BTC: variants seen among roughly 807,000 people sequenced by gnomAD.
BTC encodes probetacellulin.
In BTC, 13 loss-of-function variants were observed where a neutral mutation model predicts 18.1. The ratio of observed to expected loss-of-function variants is 0.72; its 90% CI spans 0.47 to 1.14. BTC has a LOEUF of 1.14. Among genes scored for constraint, BTC ranks in the 50% most tolerant of loss-of-function variants. The pLI, the probability that BTC is intolerant of heterozygous loss-of-function variation, is 0.00. For synonymous variants in BTC, 83 were observed against 79.4 expected (o/e 1.05, Z -0.24); for missense variants, 247 against 224.2 (o/e 1.10, Z -0.65).
At position 74,770,070 on chromosome 4, in the gene BTC, C is replaced by T. The variant is rs1389771868; in HGVS notation, c.151G>A (p.Glu51Lys). 8 of 1,608,698 alleles carry T rather than the reference C, an allele frequency of 5.0e-6. No individual in the cohort carries two copies. The South Asian group carries it at 7.8e-5, about 16-fold the overall frequency. Residue 51 changes from glutamate (E) to lysine (K), a missense_variant, in exon 2 of 6, where the codon GAA becomes AAA. Transcript: ENST00000395743. ...TGTTAAACTTTACCTGCACAGTTTT[C>T]CTCAGGGTCTCCACAGAGGAGGCCA... ...TNGLLCGDPE[E>K]NCAATTTQSK... is the part of the protein sequence containing the mutation.
intron 1 of BTC, among the ~76,000 whole-genome samples, chr4:74,773,452 G>A (rs1167385751): frequency 6.6e-6 from 1 of 152,086 alleles, no homozygotes; most frequent in Admixed American, 6.6e-5. Flanking sequence ...AATAAAGGCT[G>A]CTATAAAGAG....
intron 1 of BTC, among the ~76,000 whole-genome samples, chr4:74,790,841 C>G (rs1560727712): frequency 6.6e-6 from 1 of 152,122 alleles, no homozygotes; most frequent in African/African-American, 2.4e-5. Flanking sequence ...AAGGAAGAGC[C>G]AGGAGTCCAA....
At chr4:74,765,371 CTA>C (rs1724873715) in intron 2 of BTC, among the ~76,000 whole-genome samples, 1 of 151,850 alleles carries the variant, frequency 6.6e-6, no homozygotes. Flanking sequence ...CAACAGCAGA[CTA>C]TGTCAAGCGA....
At chr4:74,775,212 G>T (rs577822164) in intron 1 of BTC, among the ~76,000 whole-genome samples, 7 of 152,126 alleles carry the variant, frequency 4.6e-5, no homozygotes, top group African/African-American at 1.7e-4. Flanking sequence ...TCTATTTTGG[G>T]GAATCATGGA....
chr4:74,784,196 C>A (rs1444012904), intron 1 of BTC, among the ~76,000 whole-genome samples: 2 of 147,024 alleles, frequency 1.4e-5, no homozygotes, highest in African/African-American at 5.1e-5. Context: ...AGTGCCACTG[C>A]ACTCCAGGCT....
chr4:74,785,088 T>C (rs1725444880), intron 1 of BTC, among the ~76,000 whole-genome samples: 1 of 152,214 alleles, frequency 6.6e-6, no homozygotes, highest in Admixed American at 6.5e-5. Flanking sequence ...TATTGATTAC[T>C]GGTTCAATTT....
intron 2 of BTC, among the ~76,000 whole-genome samples, chr4:74,767,206 A>G (rs1194955214): frequency 1.4e-5 from 2 of 147,952 alleles, no homozygotes; most frequent in Non-Finnish European, 3.0e-5. Flanking sequence ...CACACACACA[A>G]ACTGTAAGAA....
chr4:74,757,040 T>G (rs1553956793), intron 2 of BTC, among the ~76,000 whole-genome samples: 2 of 152,116 alleles, frequency 1.3e-5, no homozygotes, highest in African/African-American at 4.8e-5. Flanking sequence ...AGGGTCAAAC[T>G]TTCCACGTTC....
chr4:74,771,335 CAAGAATAA>C (rs956979881), intron 1 of BTC, among the ~76,000 whole-genome samples: 2 of 152,216 alleles, frequency 1.3e-5, no homozygotes, highest in Admixed American at 1.3e-4. Flanking sequence ...ATGCAACTGA[CAAGAATAA>C]AGTAGCCTGT....
At chr4:74,748,654 T>C (rs1480305848) in intron 4 of BTC, among the ~76,000 whole-genome samples, 1 of 152,180 alleles carries the variant, frequency 6.6e-6, no homozygotes, top group African/African-American at 2.4e-5. Context: ...ATGTCACTTA[T>C]ATTGATGGAG....
At chr4:74,750,056 A>G (rs1724417852) in intron 4 of BTC, among the ~76,000 whole-genome samples, 1 of 152,024 alleles carries the variant, frequency 6.6e-6, no homozygotes, top group African/African-American at 2.4e-5. Flanking sequence ...TGTTTACACC[A>G]CTGCCCTCCA....
intron 1 of BTC, among the ~76,000 whole-genome samples, chr4:74,781,703 T>A (rs1466640535): frequency 6.6e-6 from 1 of 152,028 alleles, no homozygotes; most frequent in Admixed American, 6.6e-5. Context: ...TTTTTTCACT[T>A]TTTTTTGTCA....
chr4:74,763,160 CG>C (rs1302275333), intron 2 of BTC, among the ~76,000 whole-genome samples: 3 of 151,848 alleles, frequency 2.0e-5, no homozygotes, highest in Non-Finnish European at 4.4e-5. Flanking sequence ...CCCATTTGCC[CG>C]AAAAAATTCT....
At chr4:74,780,045 T>A (rs1560721989) in intron 1 of BTC, among the ~76,000 whole-genome samples, 1 of 152,160 alleles carries the variant, frequency 6.6e-6, no homozygotes, top group Non-Finnish European at 1.5e-5. Context: ...ATGAGTTTGG[T>A]GTCTTTGGGA....
chr4:74,767,476 A>G (rs1331923333), intron 2 of BTC, among the ~76,000 whole-genome samples: 1 of 152,070 alleles, frequency 6.6e-6, no homozygotes, highest in Non-Finnish European at 1.5e-5. Flanking sequence ...GGACTAAAAG[A>G]TTTAATATTG....
chr4:74,785,444 A>AT (rs888549020), intron 1 of BTC, among the ~76,000 whole-genome samples: 1 of 151,648 alleles, frequency 6.6e-6, no homozygotes, highest in Non-Finnish European at 1.5e-5. Flanking sequence ...GATCTTGGGT[A>AT]TTTTTTTGTC....
chr4:74,755,396 T>C (rs1281950938), intron 3 of BTC, among the ~76,000 whole-genome samples: 11 of 152,224 alleles, frequency 7.2e-5, no homozygotes, highest in South Asian at 4.1e-4. Context: ...TTCCCCACTA[T>C]ACTAAACAGG....
rs1724255894 is a variant in BTC, at chr4:74,745,017, G to A, written c.*1660C>T. The A allele has an allele frequency of 6.6e-6, 1 of 152,122 alleles. No homozygotes were observed. The allele number at this position is 152,122 out of a possible 1,614,324, so 9.4% of individuals were successfully genotyped here. A position where few individuals can be genotyped will look rare whatever the true frequency, so the allele number is the denominator to read the frequency against. On this transcript the variant is annotated 3_prime_UTR_variant, in exon 6 of 6. Transcript: ENST00000395743. ...AAAAGAAACATTAAAGCATTGTTTT[G>A]TGTTTTTAAAAGCTCTAATGGATAT...
At chr4:74,767,672 T>C (rs1227845433) in intron 2 of BTC, among the ~76,000 whole-genome samples, 1 of 152,022 alleles carries the variant, frequency 6.6e-6, no homozygotes, top group African/African-American at 2.4e-5. Context: ...TTTTAAATCA[T>C]CTACAGCATG....
Sources: gnomAD v4.1 joint callset for allele counts (sites outside exome capture counted in the v4.1 genomes callset) on GRCh38, gnomAD v4.1.1 for gene constraint, MANE v1.5 for transcripts, NCBI Gene and HGNC (gene_info 2026-07-23, HGNC 2026-07-21) for gene names.